TUBB3: variants seen among roughly 807,000 people sequenced by gnomAD.
TUBB3 encodes tubulin beta-3 chain.
A neutral mutation model predicts 37.8 loss-of-function variants in TUBB3; 17 were observed. That is an observed-to-expected ratio of 0.45 (90% CI 0.31 to 0.67). TUBB3 has a LOEUF of 0.67. TUBB3 is among the 30% of genes least tolerant of loss of function. The probability of loss-of-function intolerance (pLI) is 0.07; values close to 1 mark genes in which losing one functional copy is unlikely to be tolerated. For synonymous variants in TUBB3, 332 were observed against 278.9 expected (o/e 1.19, Z -1.90); for missense variants, 262 against 657.9 (o/e 0.40, Z 6.58).
Position 89,932,655 on chromosome 16 carries a change from A to G in TUBB3, c.142A>G (p.Ser48Gly), listed in dbSNP as rs113165321. 6.2e-7 allele frequency: 1 copy of G among 1,614,070 alleles called. No homozygotes were observed. Among genetic ancestry groups the G allele is most frequent in the Non-Finnish European group, 8.5e-7 (1 of 1,180,006 alleles). Residue 48 changes from serine to glycine, a missense_variant, in exon 2 of 4, where the codon AGC becomes GGC. Physicochemically the swap from Ser to Gly is moderately conservative, Grantham distance 56 (BLOSUM62 0). Transcript: ENST00000315491. ...GDSDLQLERISVYYNEASSHK... is the reference protein window; with the variant it reads ...GDSDLQLERIGVYYNEASSHK... Reference sequence around the variant, plus strand: ...CTCGGACTTGCAGCTGGAGCGGATCAGCGTCTACTACAACGAGGCCTCTTG... The same window carrying G: ...CTCGGACTTGCAGCTGGAGCGGATCGGCGTCTACTACAACGAGGCCTCTTG...
intron 3 of TUBB3, chr16:89,934,392 C>A: frequency 3.8e-6 from 2 of 521,262 alleles, no homozygotes; most frequent in South Asian, 3.1e-5. Flanking sequence ...TCTGGGGTGG[C>A]TGTTTGGGCT....
intron 2 of TUBB3, 22 bp downstream of exon 2, chr16:89,932,701 C>T: frequency 6.3e-7 from 1 of 1,593,134 alleles, no homozygotes; most frequent in Non-Finnish European, 8.6e-7. Flanking sequence ...CCCCAGCCTC[C>T]CTATCCCAGC....
chr16:89,934,414 C>T, intron 3 of TUBB3: 1 of 547,010 alleles, frequency 1.8e-6, no homozygotes. Context: ...CTGGCACTGC[C>T]AGTCGGAAGG....
Sources: allele counts gnomAD v4.1 joint callset, GRCh38; gene constraint gnomAD v4.1.1; transcripts MANE v1.5; gene names NCBI Gene and HGNC (gene_info 2026-07-23, HGNC 2026-07-21).